ATF7IP: variants seen among roughly 807,000 people sequenced by gnomAD.
ATF7IP encodes activating transcription factor 7-interacting protein 1.
ATF7IP carries 23 observed loss-of-function variants against 106.4 expected under a neutral mutation model. The observed-to-expected ratio is 0.22, with a 90% CI of 0.16 to 0.31. The LOEUF (loss-of-function observed/expected upper bound fraction) is 0.31, where lower values mean the gene tolerates loss of function less well. Among genes scored for constraint, ATF7IP ranks in the 10% least tolerant of loss-of-function variants. The probability of loss-of-function intolerance (pLI) is 1.00; values close to 1 mark genes in which losing one functional copy is unlikely to be tolerated. For synonymous variants in ATF7IP, 542 were observed against 539.0 expected, an observed-to-expected ratio of 1.01 and a Z score of -0.08; for missense variants, 1,334 against 1,524.3, an observed-to-expected ratio of 0.88 and a Z score of 2.08.
intron 1 of ATF7IP, among the ~76,000 whole-genome samples, chr12:14,404,527 C>T (rs1231717371): frequency 6.6e-6 from 1 of 152,046 alleles, no homozygotes; most frequent in African/African-American, 2.4e-5. Flanking sequence ...ATTTAATTTC[C>T]TTATATTTCA....
chr12:14,456,895 A>C (rs1469837597), intron 7 of ATF7IP, among the ~76,000 whole-genome samples: 1 of 152,226 alleles, frequency 6.6e-6, no homozygotes, highest in Non-Finnish European at 1.5e-5. Context: ...CAAGTAATTG[A>C]GAAATGCTTC....
chr12:14,369,525 A>G (rs1938448148), intron 1 of ATF7IP, among the ~76,000 whole-genome samples: 1 of 152,002 alleles, frequency 6.6e-6, no homozygotes, highest in Non-Finnish European at 1.5e-5. Context: ...TTTAGTAGAG[A>G]CGGGGTTTCC....
chr12:14,460,541 A>C lies in ATF7IP; in HGVS notation c.2205A>C (p.Gln735His). 1 of 1,614,122 alleles carries C rather than the reference A, an allele frequency of 6.2e-7. No homozygotes were observed. The highest frequency in any genetic ancestry group is 8.5e-7 in the Non-Finnish European group (1 of 1,180,018). The change falls in exon 9 of 15, where the codon CAA becomes CAC. Residue 735 changes from glutamine (Q) to histidine (H), a missense_variant. By Grantham distance (24) the Gln-to-His change is conservative (BLOSUM62 0). Coordinates refer to ENST00000261168, the MANE Select transcript of ATF7IP (RefSeq NM_018179.5). Reference protein sequence around the residue: ...LVTPPAVVSSQPKLQTPVTSG... With the variant: ...LVTPPAVVSSHPKLQTPVTSG... ...CTCCTCCAGCAGTTGTCAGTAGTCA[A>C]CCTAAATTGCAGACTCCAGTGACTT...
At chr12:14,389,664 G>T (rs1011897141) in intron 1 of ATF7IP, among the ~76,000 whole-genome samples, 6 of 152,054 alleles carry the variant, frequency 3.9e-5, no homozygotes, top group African/African-American at 1.4e-4. Flanking sequence ...TTTCGCTCTT[G>T]TTGCCTAGGC....
chr12:14,473,292 G>GTATA (rs1944130430), intron 10 of ATF7IP, among the ~76,000 whole-genome samples: 1 of 17,294 alleles, frequency 5.8e-5, no homozygotes, highest in Non-Finnish European at 1.0e-4. Context: ...CTCTCTCTCT[G>GTATA]TGTGTGTGTG....
At chr12:14,492,819 G>C (rs562750677) in intron 13 of ATF7IP, among the ~76,000 whole-genome samples, 11 of 152,164 alleles carry the variant, frequency 7.2e-5, no homozygotes, top group African/African-American at 4.8e-5. Flanking sequence ...TTTTGTAGTT[G>C]AGTGACTGCA....
chr12:14,457,795 T>G (rs1251867426), intron 8 of ATF7IP, among the ~76,000 whole-genome samples: 1 of 152,158 alleles, frequency 6.6e-6, no homozygotes, highest in East Asian at 1.9e-4. Flanking sequence ...AAATGTTTAT[T>G]CATTTAAAAT....
chr12:14,371,530 A>G (rs554168851), intron 1 of ATF7IP, among the ~76,000 whole-genome samples: 73 of 152,216 alleles, frequency 4.8e-4, no homozygotes, highest in African/African-American at 1.6e-3. Context: ...GTAAAAAATT[A>G]GAAGTGCTAC....
intron 10 of ATF7IP, among the ~76,000 whole-genome samples, chr12:14,469,040 T>C (rs1476407154): frequency 6.6e-6 from 1 of 152,184 alleles, no homozygotes; most frequent in Admixed American, 6.5e-5. Flanking sequence ...TTAGTTGTAC[T>C]TGTTAACACT....
intron 5 of ATF7IP, among the ~76,000 whole-genome samples, chr12:14,444,028 A>G (rs896498216): frequency 6.6e-6 from 1 of 152,176 alleles, no homozygotes; most frequent in Non-Finnish European, 1.5e-5. Context: ...GATTAGTACT[A>G]TGCTCTTAAA....
intron 1 of ATF7IP, among the ~76,000 whole-genome samples, chr12:14,367,857 A>T (rs1591745953): frequency 1.3e-5 from 2 of 152,236 alleles, no homozygotes; most frequent in East Asian, 3.9e-4. Flanking sequence ...GTACTTTGTC[A>T]ATAACAAGTA....
chr12:14,412,436 AT>A (rs1191728489), intron 1 of ATF7IP, among the ~76,000 whole-genome samples: 1 of 152,064 alleles, frequency 6.6e-6, no homozygotes, highest in African/African-American at 2.4e-5. Context: ...TTATTTATTT[AT>A]GTCTTTAATT....
intron 12 of ATF7IP, 130 bp downstream of exon 12, chr12:14,478,602 C>A: frequency 2.0e-6 from 2 of 1,011,832 alleles, no homozygotes; most frequent in Non-Finnish European, 1.4e-6. Context: ...CAGTGCATGT[C>A]CTTTTGAAGG....
intron 1 of ATF7IP, among the ~76,000 whole-genome samples, chr12:14,367,847 G>C (rs1396667743): frequency 6.6e-6 from 1 of 151,930 alleles, no homozygotes; most frequent in African/African-American, 2.4e-5. Flanking sequence ...TTGTTTATTA[G>C]TACTTTGTCA....
chr12:14,490,620 T>C (rs1344995296), intron 13 of ATF7IP, among the ~76,000 whole-genome samples: 1 of 152,012 alleles, frequency 6.6e-6, no homozygotes, highest in African/African-American at 2.4e-5. Flanking sequence ...CTGCATATGG[T>C]GCAGAACCAT....
At chr12:14,405,090 A>G (rs2136477209) in intron 1 of ATF7IP, among the ~76,000 whole-genome samples, 1 of 152,332 alleles carries the variant, frequency 6.6e-6, no homozygotes, top group African/African-American at 2.4e-5. Flanking sequence ...GTTGCTAGGA[A>G]AAATTTAGAG....
At chr12:14,433,625 G>A (rs1406311070) in intron 2 of ATF7IP, among the ~76,000 whole-genome samples, 1 of 151,012 alleles carries the variant, frequency 6.6e-6, no homozygotes, top group Non-Finnish European at 1.5e-5. Flanking sequence ...AGACGAGATC[G>A]CCCCACTGCA....
At chr12:14,448,843 C>A (rs1565521163) in intron 6 of ATF7IP, among the ~76,000 whole-genome samples, 1 of 152,146 alleles carries the variant, frequency 6.6e-6, no homozygotes, top group Non-Finnish European at 1.5e-5. Context: ...TAGTGACCAT[C>A]CTCATGGATG....
At chr12:14,400,978 A>C (rs1940159583) in intron 1 of ATF7IP, among the ~76,000 whole-genome samples, 1 of 151,720 alleles carries the variant, frequency 6.6e-6, no homozygotes, top group African/African-American at 2.4e-5. Flanking sequence ...CTTTTCATTC[A>C]CTAATAGATT....
Sources: gnomAD v4.1 joint callset for allele counts (sites outside exome capture counted in the v4.1 genomes callset) on GRCh38, gnomAD v4.1.1 for gene constraint, MANE v1.5 for transcripts, NCBI Gene and HGNC (gene_info 2026-07-23, HGNC 2026-07-21) for gene names.